Variants in DGKB observed in about 807,000 individuals in gnomAD.
The protein encoded by DGKB is 90 kDa diacylglycerol kinase.
In DGKB, 67 loss-of-function variants were observed where a neutral mutation model predicts 114.3. The ratio of observed to expected loss-of-function variants is 0.59; its 90% CI spans 0.48 to 0.72. The LOEUF is 0.72. DGKB is among the 30% of genes least tolerant of loss of function. The probability of loss-of-function intolerance (pLI) is 0.00; values close to 1 mark genes in which losing one functional copy is unlikely to be tolerated. For synonymous variants in DGKB, 398 were observed against 323.1 expected, an observed-to-expected ratio of 1.23 and a Z score of -2.49; for missense variants, 907 against 975.2, an observed-to-expected ratio of 0.93 and a Z score of 0.93.
intron 19 of DGKB, among the ~76,000 whole-genome samples, chr7:14,575,005 G>C (rs557078759): frequency 1.3e-5 from 2 of 152,190 alleles, no homozygotes; most frequent in African/African-American, 4.8e-5. Context: ...TATGCCTGTA[G>C]TCTCAGCTAC....
chr7:14,149,704 T>A (rs1007803247), intron 25 of DGKB, among the ~76,000 whole-genome samples: 1 of 152,142 alleles, frequency 6.6e-6, no homozygotes, highest in Non-Finnish European at 1.5e-5. Context: ...CTAATCAGAT[T>A]GTTTCTCTCT....
intron 1 of DGKB, among the ~76,000 whole-genome samples, chr7:14,881,620 T>C (rs977488095): frequency 5.9e-5 from 9 of 152,100 alleles, no homozygotes; most frequent in African/African-American, 2.2e-4. Flanking sequence ...GTGTGTAGAA[T>C]GCTAGTTGTT....
At chr7:14,154,860 T>TC (rs397951077) in intron 25 of DGKB, among the ~76,000 whole-genome samples, 6 of 151,476 alleles carry the variant, frequency 4.0e-5, no homozygotes, top group Non-Finnish European at 5.9e-5. Context: ...TTTTTTTTTT[T>TC]CGTTACACGT....
At chr7:14,684,320 C>G (rs1277662377) in intron 10 of DGKB, among the ~76,000 whole-genome samples, 4 of 151,838 alleles carry the variant, frequency 2.6e-5, no homozygotes, top group African/African-American at 9.7e-5. Flanking sequence ...GTATTGGAAG[C>G]CAGTAAGAAA....
intron 20 of DGKB, among the ~76,000 whole-genome samples, chr7:14,535,329 A>G (rs1469440371): frequency 6.6e-6 from 1 of 151,756 alleles, no homozygotes; most frequent in Non-Finnish European, 1.5e-5. Flanking sequence ...TGAATGTGCC[A>G]TAAAACTCTG....
intron 4 of DGKB, 83 bp downstream of exon 4, chr7:14,753,845 C>T: frequency 2.3e-6 from 2 of 861,814 alleles, no homozygotes; most frequent in South Asian, 2.9e-5. Flanking sequence ...AAGTATAGTT[C>T]AGTGATATGG....
intron 17 of DGKB, among the ~76,000 whole-genome samples, chr7:14,603,455 A>G (rs1467123256): frequency 6.6e-6 from 1 of 152,108 alleles, no homozygotes; most frequent in East Asian, 1.9e-4. Context: ...ATAAGCTCTG[A>G]TTTTCCTTAA....
chr7:14,400,137 G>C (rs999735577), intron 21 of DGKB, among the ~76,000 whole-genome samples: 1 of 151,756 alleles, frequency 6.6e-6, no homozygotes. Flanking sequence ...AAATCAAAGA[G>C]GAAAACACCC....
At position 14,535,864 on chromosome 7, in the gene DGKB, C is replaced by A. The variant is rs1315807498; in HGVS notation, c.1770+38348G>T. Among the ~76,000 whole-genome samples, 4 of 152,056 alleles carry A rather than the reference C, an allele frequency of 2.6e-5. No homozygotes were observed. The East Asian group carries it at 7.7e-4, about 29-fold the overall frequency. On this transcript the variant is annotated intron_variant, in intron 20 of 25. Coordinates refer to ENST00000402815, the MANE Select transcript of DGKB (RefSeq NM_001350709.2). ...CCTCCCATCGTACTGGGATTATAGG[C>A]ATGAGCCACTGCACCTGGCCTGTTT...
intron 2 of DGKB, among the ~76,000 whole-genome samples, chr7:14,840,725 CA>C (rs1164125867): frequency 5.4e-5 from 8 of 148,538 alleles, no homozygotes; most frequent in Non-Finnish European, 1.2e-4. Flanking sequence ...CACACACACA[CA>C]CACACACACA....
chr7:14,927,242 C>A (rs1413754898), intron 1 of DGKB, among the ~76,000 whole-genome samples: 1 of 151,992 alleles, frequency 6.6e-6, no homozygotes, highest in Admixed American at 6.6e-5. Context: ...GAATGGTCTC[C>A]TTAACTATGA....
intron 1 of DGKB, among the ~76,000 whole-genome samples, chr7:14,909,439 G>A (rs1373678091): frequency 6.6e-6 from 1 of 151,840 alleles, no homozygotes; most frequent in African/African-American, 2.4e-5. Context: ...CTATATTACT[G>A]GGATTTAGCT....
chr7:14,894,286 T>C (rs1781759303), intron 1 of DGKB, among the ~76,000 whole-genome samples: 1 of 151,438 alleles, frequency 6.6e-6, no homozygotes, highest in South Asian at 2.1e-4. Flanking sequence ...TCAAACAGTC[T>C]TTCTTTATCT....
intron 23 of DGKB, among the ~76,000 whole-genome samples, chr7:14,331,174 C>T (rs916402096): frequency 7.9e-5 from 12 of 151,912 alleles, no homozygotes; most frequent in Non-Finnish European, 1.8e-4. Context: ...TTAAAGGTTA[C>T]TAGATAGCAA....
At chr7:14,377,542 T>C (rs4721331) in intron 21 of DGKB, among the ~76,000 whole-genome samples, 1 of 152,096 alleles carries the variant, frequency 6.6e-6, no homozygotes, top group Middle Eastern at 3.4e-3. Context: ...ATCATTCTTA[T>C]CTTCTAGGAC....
chr7:14,807,869 G>C (rs1000548975), intron 2 of DGKB, among the ~76,000 whole-genome samples: 1 of 151,806 alleles, frequency 6.6e-6, no homozygotes, highest in African/African-American at 2.4e-5. Context: ...TTAATATTTT[G>C]TCATATTTGT....
intron 19 of DGKB, among the ~76,000 whole-genome samples, chr7:14,579,707 C>A (rs1490588784): frequency 6.6e-6 from 1 of 152,048 alleles, no homozygotes; most frequent in East Asian, 1.9e-4. Flanking sequence ...AGCACGTATA[C>A]AGCTTAGAGC....
At chr7:14,723,609 A>ATATACACATACACACACATATATG (rs1564018049) in intron 5 of DGKB, among the ~76,000 whole-genome samples, 20 of 152,190 alleles carry the variant, frequency 1.3e-4, no homozygotes, top group African/African-American at 4.1e-4. Context: ...ACACATATAT[A>ATATACACATACACACACATATATG]TGTGTATGTA....
At chr7:14,791,992 G>A (rs1322601215) in intron 2 of DGKB, among the ~76,000 whole-genome samples, 1 of 152,078 alleles carries the variant, frequency 6.6e-6, no homozygotes, top group East Asian at 1.9e-4. Context: ...GAATTGCTGA[G>A]TATTCCCTTC....
Sources: gnomAD v4.1 joint callset for allele counts (sites outside exome capture counted in the v4.1 genomes callset) on GRCh38, gnomAD v4.1.1 for gene constraint, MANE v1.5 for transcripts, NCBI Gene and HGNC (gene_info 2026-07-23, HGNC 2026-07-21) for gene names.